The following PPP1R13L variants were observed in gnomAD, a reference collection of about 807,000 sequenced individuals.
PPP1R13L encodes relA-associated inhibitor.
PPP1R13L carries 50 observed loss-of-function variants against 80.9 expected under a neutral mutation model. That is an observed-to-expected ratio of 0.62 (90% CI 0.49 to 0.78). PPP1R13L has a LOEUF of 0.78. Among genes scored for constraint, PPP1R13L ranks in the 30% least tolerant of loss-of-function variants. The probability of loss-of-function intolerance (pLI) is 0.00; values close to 1 mark genes in which losing one functional copy is unlikely to be tolerated. For missense variants in PPP1R13L, 1,200 were observed against 1,205.9 expected, an observed-to-expected ratio of 1.00 and a Z score of 0.07; for synonymous variants, 602 against 534.3, an observed-to-expected ratio of 1.13 and a Z score of -1.75.
chr19:45,386,570 C>T (rs1348763707), intron 8 of PPP1R13L, among the ~76,000 whole-genome samples: 1 of 151,814 alleles, frequency 6.6e-6, no homozygotes, highest in Non-Finnish European at 1.5e-5. Context: ...CAGGAGTGTT[C>T]ATTCCGGATG....
At position 45,391,940 on chromosome 19, in the gene PPP1R13L, T is replaced by C. The variant is rs1023728223; in HGVS notation, c.1755A>G (p.Pro585=). 2.0e-6 allele frequency: 3 copies of C among 1,503,892 alleles called. No individual in the cohort carries two copies. The African/African-American group carries it at 4.2e-5, about 21-fold the overall frequency. The allele number at this position is 1,503,892 out of a possible 1,614,324, so 93.2% of individuals were successfully genotyped here. ...ARAGPPAPAP[P]APIPPPAPSQ... Reference sequence around the variant, plus strand: ...ACGGGGCCGGGGGTGGAATGGGAGCTGGTGGGGCAGGAGCAGGGGGCCCTG... The same window carrying C: ...ACGGGGCCGGGGGTGGAATGGGAGCCGGTGGGGCAGGAGCAGGGGGCCCTG... Residue 585 remains proline (P), a synonymous_variant, in exon 8 of 13, where the codon CCA becomes CCG. Transcript: ENST00000360957.
Position 45,380,167 on chromosome 19 carries a change from C to G in PPP1R13L, c.*23G>C. On this transcript the variant is annotated 3_prime_UTR_variant, in exon 13 of 13. Coordinates refer to ENST00000360957, the MANE Select transcript of PPP1R13L (RefSeq NM_006663.4). Reference sequence around the variant, plus strand: ...GGCAGGAATGCTTGTTTCTGTCAGCCTCAGAAACCTCCTTCTATCCTGCTA... The same window carrying G: ...GGCAGGAATGCTTGTTTCTGTCAGCGTCAGAAACCTCCTTCTATCCTGCTA... 6.2e-7 allele frequency: 1 copy of G among 1,613,282 alleles called. No homozygotes were observed. Among genetic ancestry groups the G allele is most frequent in the Non-Finnish European group, 8.5e-7 (1 of 1,179,390 alleles).
intron 1 of PPP1R13L, among the ~76,000 whole-genome samples, chr19:45,403,802 C>T (rs1449627718): frequency 6.6e-6 from 1 of 152,114 alleles, no homozygotes; most frequent in Non-Finnish European, 1.5e-5. Context: ...ATCAGATGCT[C>T]GCCTCCCCCA....
intron 11 of PPP1R13L, among the ~76,000 whole-genome samples, 160 bp from the exon 12 acceptor site, chr19:45,382,886 A>G (rs549216758): frequency 6.6e-6 from 1 of 152,032 alleles, no homozygotes; most frequent in East Asian, 1.9e-4. Flanking sequence ...CCGGAGCTGG[A>G]GTCAGATGCC....
chr19:45,389,646 C>A (rs1599767068), intron 8 of PPP1R13L, among the ~76,000 whole-genome samples: 1 of 152,054 alleles, frequency 6.6e-6, no homozygotes, highest in East Asian at 1.9e-4. Flanking sequence ...CCCATCTCTA[C>A]TAAAAATACA....
chr19:45,395,212 A>T, intron 7 of PPP1R13L: 1 of 590,418 alleles, frequency 1.7e-6, no homozygotes, highest in Non-Finnish European at 3.0e-6. Context: ...CCAAGGTCAC[A>T]CAGCGTGGAA....
rs375356564 is a variant in PPP1R13L, at chr19:45,392,322, G to C, written c.1373C>G (p.Thr458Ser). 6.2e-7 allele frequency: 1 copy of C among 1,613,324 alleles called. No homozygotes were observed. The highest frequency in any genetic ancestry group is 1.3e-5 in the African/African-American group (1 of 74,926). Reference sequence around the variant, plus strand: ...TATCTCCGGCTCAGGCTCCAGCTCGGTGGGGGGTTTGGGGGGTCCTAGCCG... The same window carrying C: ...TATCTCCGGCTCAGGCTCCAGCTCGCTGGGGGGTTTGGGGGGTCCTAGCCG... ...PVNEGPPKPPTELEPEPEIEG... is the reference protein window; with the variant it reads ...PVNEGPPKPPSELEPEPEIEG... The change falls in exon 8 of 13, where the codon ACC becomes AGC. Residue 458 changes from threonine to serine, a missense_variant. Transcript: ENST00000360957.
chr19:45,385,982 G>A, intron 9 of PPP1R13L, 25 bp from the exon 10 acceptor site: 1 of 1,597,956 alleles, frequency 6.3e-7, no homozygotes. Context: ...GGAGGGGGAA[G>A]ACTCAGTCCC....
chr19:45,405,176 T>A, upstream of PPP1R13L: 1 of 304,896 alleles, frequency 3.3e-6, no homozygotes, highest in Non-Finnish European at 4.8e-6. Flanking sequence ...TTGGGACTTG[T>A]AGTCCCGGAG....
chr19:45,402,388 A>C, intron 1 of PPP1R13L, among the ~76,000 whole-genome samples: 1 of 152,224 alleles, frequency 6.6e-6, no homozygotes, highest in Non-Finnish European at 1.5e-5. Context: ...CATGATCCCC[A>C]AATTTCCAAG....
At chr19:45,389,941 C>G (rs1972937751) in intron 8 of PPP1R13L, among the ~76,000 whole-genome samples, 1 of 150,880 alleles carries the variant, frequency 6.6e-6, no homozygotes, top group African/African-American at 2.4e-5. Flanking sequence ...CTACAGGCGC[C>G]CGCCACCACC....
intron 11 of PPP1R13L, among the ~76,000 whole-genome samples, chr19:45,382,996 C>CTT (rs60366714): frequency 0.098 from 12,358 of 126,072 alleles, 2,025 homozygotes; most frequent in African/African-American, 0.33. Context: ...TCTTTTCTTT[C>CTT]TTTTTTTTTT....
At position 45,385,687 on chromosome 19, in the gene PPP1R13L, A is replaced by G; in HGVS notation, c.2123T>C (p.Ile708Thr). 1 of 1,612,764 alleles carries G rather than the reference A, an allele frequency of 6.2e-7. No homozygotes were observed. Among genetic ancestry groups the G allele is most frequent in the Non-Finnish European group, 8.5e-7 (1 of 1,179,684 alleles). ...HCAASCNDTV[I>T]CMALVQHGAA... is the part of the protein sequence containing the mutation. ...GCCGTGCTGCACCAGCGCCATGCAG[A>G]TGACTGTGTCGTTGCACGACGCCGC... The change falls in exon 11 of 13, where the codon ATC becomes ACC. Residue 708 changes from isoleucine (I) to threonine (T), a missense_variant. Around this residue, in one of 5 missense-constraint regions of PPP1R13L, gnomAD observed 165 missense variants for 177.1 expected, o/e 0.93. Coordinates refer to ENST00000360957, the MANE Select transcript of PPP1R13L (RefSeq NM_006663.4).
At chr19:45,397,468 C>CTTTCTTTCTTTCTT (rs1294884126) in intron 3 of PPP1R13L, among the ~76,000 whole-genome samples, 4,532 of 86,278 alleles carry the variant, frequency 0.053, 263 homozygotes, top group East Asian at 0.083. Context: ...TGCTTTCTCT[C>CTTTCTTTCTTTCTT]TCTCTCTTTC....
chr19:45,384,517 GCA>G (rs1362015415), intron 11 of PPP1R13L, among the ~76,000 whole-genome samples: 2 of 148,254 alleles, frequency 1.3e-5, no homozygotes, highest in South Asian at 2.2e-4. Flanking sequence ...GGGTGACAGA[GCA>G]AGACTCTGTC....
chr19:45,404,952 T>A (rs1042643861), intron 1 of PPP1R13L, 47 bp downstream of exon 1: 9 of 974,146 alleles, frequency 9.2e-6, no homozygotes, highest in African/African-American at 1.8e-5. Context: ...GGGACGCGGG[T>A]GTTGGGCTTT....
intron 11 of PPP1R13L, among the ~76,000 whole-genome samples, chr19:45,384,380 A>AAAAAAAAAAAAG (rs1972826440): frequency 6.8e-6 from 1 of 147,684 alleles, no homozygotes; most frequent in African/African-American, 2.6e-5. Flanking sequence ...AAAAAAAAAA[A>AAAAAAAAAAAAG]AAAAAGTTAG....
intron 7 of PPP1R13L, 55 bp downstream of exon 7, chr19:45,395,381 C>G: frequency 6.4e-7 from 1 of 1,566,000 alleles, no homozygotes; most frequent in East Asian, 2.3e-5. Context: ...GTCTGGTCCC[C>G]CTGCCATTTG....
intron 2 of PPP1R13L, 49 bp downstream of exon 2, chr19:45,398,215 C>T (rs781224418): frequency 1.2e-6 from 2 of 1,613,050 alleles, no homozygotes; most frequent in Admixed American, 3.3e-5. Flanking sequence ...ACCCCTCGCC[C>T]GCTGCCGAGG....
Sources: gnomAD v4.1 joint callset for allele counts (sites outside exome capture counted in the v4.1 genomes callset) on GRCh38, gnomAD v4.1.1 for gene constraint, gnomAD v4.1.1 regional missense constraint, MANE v1.5 for transcripts, NCBI Gene and HGNC (gene_info 2026-07-23, HGNC 2026-07-21) for gene names.